Variants in CAPZA1 observed in about 807,000 individuals in gnomAD.
CAPZA1 encodes F-actin-capping protein subunit alpha-1.
In CAPZA1, 10 loss-of-function variants were observed where a neutral mutation model predicts 40.8. The observed-to-expected ratio is 0.25, with a 90% confidence interval of 0.15 to 0.42. CAPZA1 has a LOEUF of 0.42. CAPZA1 is among the 10% of genes least tolerant of loss of function. CAPZA1 has a pLI of 1.00. For missense variants in CAPZA1, 277 were observed against 353.8 expected, an observed-to-expected ratio of 0.78 and a Z score of 1.74; for synonymous variants, 98 against 115.0, an observed-to-expected ratio of 0.85 and a Z score of 0.95.
At chr1:112,645,194 T>G (rs905778067) in intron 1 of CAPZA1, among the ~76,000 whole-genome samples, 3 of 152,170 alleles carry the variant, frequency 2.0e-5, no homozygotes, top group African/African-American at 7.2e-5. Flanking sequence ...AGAGGCAAGC[T>G]ACCAGCAAAC....
intron 1 of CAPZA1, among the ~76,000 whole-genome samples, chr1:112,635,847 G>A (rs1002868994): frequency 2.0e-5 from 3 of 152,086 alleles, no homozygotes; most frequent in Admixed American, 6.5e-5. Context: ...CTGGTCACAC[G>A]GTGAAACCCC....
chr1:112,630,101 G>A (rs1045920784), intron 1 of CAPZA1, among the ~76,000 whole-genome samples: 11 of 152,182 alleles, frequency 7.2e-5, no homozygotes, highest in Middle Eastern at 3.4e-3. Flanking sequence ...GGAGTTCAGT[G>A]GTGGGATCTT....
intron 1 of CAPZA1, among the ~76,000 whole-genome samples, chr1:112,638,983 T>C (rs1041403256): frequency 2.0e-5 from 3 of 148,326 alleles, no homozygotes; most frequent in Non-Finnish European, 4.5e-5. Context: ...GAATAATTTA[T>C]ATAATATATA....
chr1:112,654,790 G>T, intron 5 of CAPZA1, 119 bp downstream of exon 5: 1 of 579,426 alleles, frequency 1.7e-6, no homozygotes, highest in Non-Finnish European at 3.0e-6. Flanking sequence ...CTTCTCCTCT[G>T]CATTTTATTC....
At chr1:112,658,255 A>G (rs1433558877) in intron 5 of CAPZA1, among the ~76,000 whole-genome samples, 2 of 152,136 alleles carry the variant, frequency 1.3e-5, no homozygotes, top group South Asian at 2.1e-4. Flanking sequence ...TAGTGTTTCT[A>G]ACTACTAACT....
At chr1:112,657,750 C>T (rs942906160) in intron 5 of CAPZA1, among the ~76,000 whole-genome samples, 1 of 152,102 alleles carries the variant, frequency 6.6e-6, no homozygotes, top group Non-Finnish European at 1.5e-5. Context: ...CACCACCACA[C>T]CTGGCTAATT....
chr1:112,658,402 A>G (rs1022524625), intron 5 of CAPZA1, among the ~76,000 whole-genome samples: 5 of 152,026 alleles, frequency 3.3e-5, no homozygotes, highest in Admixed American at 6.5e-5. Context: ...TCTGTGTGCA[A>G]CTCTTCCTTT....
intron 4 of CAPZA1, 68 bp downstream of exon 4, chr1:112,653,729 C>A: frequency 1.9e-6 from 2 of 1,050,150 alleles, no homozygotes; most frequent in Non-Finnish European, 2.9e-6. Context: ...GAAACCAAAG[C>A]AGATGTCTGA....
At chr1:112,628,655 A>G (rs563704602) in intron 1 of CAPZA1, among the ~76,000 whole-genome samples, 5 of 152,346 alleles carry the variant, frequency 3.3e-5, no homozygotes, top group African/African-American at 1.2e-4. Flanking sequence ...TTTCCTCTAG[A>G]TAGGTTCATT....
rs1207925796 is a variant in CAPZA1, at chr1:112,666,922, T to C, written c.586-152T>C. ...TGTTCTGTGGATTAATTAACCACCA[T>C]TGTGAATTACCACTGCTTATATTAA... On this transcript the variant is annotated intron_variant, in intron 7 of 9. Coordinates refer to ENST00000263168, the MANE Select transcript of CAPZA1 (RefSeq NM_006135.3). 3 of 576,412 alleles carry C rather than the reference T, an allele frequency of 5.2e-6. No individual in the cohort carries two copies. The African/African-American group carries it at 5.7e-5, about 11-fold the overall frequency. The allele number at this position is 576,412 out of a possible 1,614,324, so 35.7% of individuals were successfully genotyped here.
chr1:112,619,962 C>A, intron 1 of CAPZA1, 79 bp downstream of exon 1: 2 of 1,152,790 alleles, frequency 1.7e-6, no homozygotes, highest in Admixed American at 2.2e-5. Context: ...GGGAGCCTAG[C>A]AGTGTCCCCA....
At chr1:112,643,339 T>C (rs771036877) in intron 1 of CAPZA1, among the ~76,000 whole-genome samples, 9 of 152,328 alleles carry the variant, frequency 5.9e-5, no homozygotes, top group Non-Finnish European at 1.0e-4. Context: ...TTATGGAGCA[T>C]TTCCTCTCCA....
chr1:112,664,230 CAAAAAA>C (rs570249032), intron 7 of CAPZA1, among the ~76,000 whole-genome samples: 2 of 110,478 alleles, frequency 1.8e-5, no homozygotes, highest in Non-Finnish European at 1.9e-5. Flanking sequence ...GACACTGTCT[CAAAAAA>C]AAAAAAAAAA....
At chr1:112,658,784 C>T (rs907127290) in intron 5 of CAPZA1, among the ~76,000 whole-genome samples, 2 of 152,136 alleles carry the variant, frequency 1.3e-5, no homozygotes, top group Non-Finnish European at 2.9e-5. Context: ...AAATGGCACC[C>T]GCCTTGTACC....
intron 3 of CAPZA1, among the ~76,000 whole-genome samples, chr1:112,652,664 A>G (rs925482466): frequency 2.0e-5 from 3 of 151,808 alleles, no homozygotes; most frequent in Non-Finnish European, 4.4e-5. Context: ...AAACCTTGTT[A>G]TGTTGGCACA....
At chr1:112,668,004 G>C (rs1350959024) in intron 8 of CAPZA1, among the ~76,000 whole-genome samples, 3 of 152,002 alleles carry the variant, frequency 2.0e-5, no homozygotes, top group Non-Finnish European at 4.4e-5. Context: ...GAGAAGTGTG[G>C]GCCGGGAGTG....
intron 1 of CAPZA1, among the ~76,000 whole-genome samples, chr1:112,622,715 A>C (rs1670700570): frequency 6.6e-6 from 1 of 152,162 alleles, no homozygotes; most frequent in African/African-American, 2.4e-5. Context: ...AATAAGATAA[A>C]GTTTTCAGTA....
intron 7 of CAPZA1, 65 bp from the exon 8 acceptor site, chr1:112,667,009 G>C (rs180712061): frequency 2.7e-6 from 3 of 1,093,840 alleles, no homozygotes; most frequent in Non-Finnish European, 1.4e-6. Context: ...GCATGGATTT[G>C]TGTCCTAAAT....
Position 112,667,142 on chromosome 1 carries a change from T to C in CAPZA1, c.654T>C (p.Val218=), listed in dbSNP as rs1350814310. The C allele has an allele frequency of 6.2e-7, 1 of 1,601,340 alleles. No individual in the cohort carries two copies. Among genetic ancestry groups the C allele is most frequent in the Non-Finnish European group, 8.5e-7 (1 of 1,169,972 alleles). The change falls in exon 8 of 10, where the codon GTT becomes GTC. Residue 218 remains valine (V), a synonymous_variant. Coordinates refer to ENST00000263168, the MANE Select transcript of CAPZA1 (RefSeq NM_006135.3). ...AAGATGTACAGGATTCACTAACTGT[T>C]TCGGTGAGTATGGAATATTTAGTGT... ...SHKDVQDSLT[V]SNEAQTAKEF...
Sources: allele counts gnomAD v4.1 joint callset (sites outside exome capture counted in the v4.1 genomes callset), GRCh38; gene constraint gnomAD v4.1.1; transcripts MANE v1.5; gene names NCBI Gene and HGNC (gene_info 2026-07-23, HGNC 2026-07-21).